Variants in ATP2C2 observed in about 807,000 individuals in gnomAD.
The protein encoded by ATP2C2 is ATPase secretory pathway Ca2+ transporting 2.
In ATP2C2, 171 loss-of-function variants were observed where a neutral mutation model predicts 110.8. The ratio of observed to expected loss-of-function variants is 1.54; its 90% CI spans 1.36 to 1.75. The LOEUF is 1.75. Ranked by LOEUF, ATP2C2 falls within the 40% of genes most tolerant of loss-of-function variation. The pLI, the probability that ATP2C2 is intolerant of heterozygous loss-of-function variation, is 0.00. For synonymous variants in ATP2C2, 804 were observed against 508.4 expected (o/e 1.58, Z -7.82); for missense variants, 1,963 against 1,235.0 (o/e 1.59, Z -8.84).
At chr16:84,430,755 C>G (rs1200546716) in intron 11 of ATP2C2, among the ~76,000 whole-genome samples, 1 of 152,084 alleles carries the variant, frequency 6.6e-6, no homozygotes. Context: ...CCAGTTCACC[C>G]TTACACAGCC....
chr16:84,443,237 A>C (rs2150571407), intron 15 of ATP2C2, among the ~76,000 whole-genome samples: 1 of 152,268 alleles, frequency 6.6e-6, no homozygotes, highest in African/African-American at 2.4e-5. Context: ...AGGGGCCGGC[A>C]GAGGTTAAGA....
rs1909016122 is a variant in ATP2C2 at position 84,439,235 on chromosome 16, G to C, written c.1056G>C (p.Leu352=). Residue 352 remains leucine (L), a synonymous_variant, in exon 12 of 27, where the codon CTG becomes CTC. Transcript: ENST00000262429. Reference sequence around the variant, plus strand: ...TGGTGACGCTGGTCCTGGGAGTGCTGCGGATGGCCAAGAAGCGGGTCATCG... The same window carrying C: ...TGGTGACGCTGGTCCTGGGAGTGCTCCGGATGGCCAAGAAGCGGGTCATCG... ...VVMVTLVLGV[L]RMAKKRVIVK... 5.0e-6 allele frequency: 8 copies of C among 1,612,236 alleles called. No homozygotes were observed. The highest frequency in any genetic ancestry group is 6.8e-6 in the Non-Finnish European group (8 of 1,180,036).
chr16:84,418,636 T>C (rs1907047197), intron 7 of ATP2C2, among the ~76,000 whole-genome samples: 1 of 152,192 alleles, frequency 6.6e-6, no homozygotes, highest in Non-Finnish European at 1.5e-5. Flanking sequence ...TGCGTGGCCC[T>C]GCGCAGTCAC....
intron 1 of ATP2C2, among the ~76,000 whole-genome samples, chr16:84,385,795 T>C (rs538437935): frequency 4.6e-5 from 7 of 152,282 alleles, no homozygotes; most frequent in African/African-American, 1.7e-4. Context: ...CTCACTATCA[T>C]GAGCATGGGG....
intron 6 of ATP2C2, 79 bp from the exon 7 acceptor site, chr16:84,415,404 C>A: frequency 8.3e-7 from 1 of 1,197,656 alleles, no homozygotes; most frequent in Non-Finnish European, 1.2e-6. Flanking sequence ...TGTTTCTATT[C>A]TCCTTGTTCA....
At chr16:84,447,152 C>T (rs1274722093) in intron 16 of ATP2C2, among the ~76,000 whole-genome samples, 1 of 152,122 alleles carries the variant, frequency 6.6e-6, no homozygotes, top group Non-Finnish European at 1.5e-5. Flanking sequence ...CTCCTCTTCC[C>T]TCCCACTCTT....
rs374605639 is a variant in ATP2C2, at chr16:84,448,545, A to T, written c.1516A>T (p.Ile506Phe). 1.9e-6 allele frequency: 3 copies of T among 1,612,286 alleles called. No individual in the cohort carries two copies. Among genetic ancestry groups the T allele is most frequent in the Admixed American group, 1.7e-5 (1 of 59,838 alleles). ...CSLKTEDQED[I>F]YFMKGALEEV... ...TGTCTTTTCTAAGGATCAGGAAGAC[A>T]TTTACTTCATGAAAGGGGCCTTGGA... Residue 506 changes from isoleucine to phenylalanine, a missense_variant, in exon 17 of 27, where the codon ATT (isoleucine) becomes TTT (phenylalanine). Ile to Phe is a conservative substitution (Grantham distance 21). Transcript: ENST00000262429.
At chr16:84,412,474 G>C (rs1291915612) in intron 6 of ATP2C2, among the ~76,000 whole-genome samples, 2 of 145,728 alleles carry the variant, frequency 1.4e-5, no homozygotes, top group Admixed American at 1.4e-4. Context: ...GTGTGTGTCT[G>C]TGCATGTGTA....
At position 84,462,137 on chromosome 16, in the gene ATP2C2, G is replaced by A. The variant is rs761862082; in HGVS notation, c.2722+8G>A. On this transcript the variant is annotated splice_region_variant and intron_variant, in intron 26 of 26. Transcript: ENST00000262429. ...AGAACCTGGGAGCGCTTGGTGAGTG[G>A]TGGGGACGGGAACGACAGGTGACCT... 4 of 1,611,102 alleles carry A rather than the reference G, an allele frequency of 2.5e-6. No individual in the cohort carries two copies. The highest frequency in any genetic ancestry group is 1.1e-5 in the South Asian group (1 of 90,820).
intron 11 of ATP2C2, 95 bp from the exon 12 acceptor site, chr16:84,439,071 A>G (rs1161262693): frequency 2.6e-6 from 4 of 1,545,708 alleles, no homozygotes; most frequent in Non-Finnish European, 3.5e-6. Flanking sequence ...GACACCTAAG[A>G]CAAGCTTCAC....
intron 23 of ATP2C2, chr16:84,459,748 C>T: frequency 1.5e-6 from 1 of 646,830 alleles, no homozygotes; most frequent in Non-Finnish European, 2.6e-6. Flanking sequence ...CTGTATTTTT[C>T]CCTAGAGAGG....
intron 20 of ATP2C2, 94 bp downstream of exon 20, chr16:84,453,465 C>T (rs1042697567): frequency 6.6e-5 from 99 of 1,508,814 alleles, no homozygotes; most frequent in Non-Finnish European, 8.5e-5. Context: ...GGTGACAGTG[C>T]AGGGCCCGAC....
chr16:84,448,901 T>C lies in ATP2C2; in HGVS notation c.1660+212T>C, dbSNP rs534611781. 1.5e-4 allele frequency among the ~76,000 whole-genome samples: 23 copies of C among 152,246 alleles called. 1 individual carries two copies. The highest frequency in any genetic ancestry group is 5.1e-4 in the African/African-American group (21 of 41,550). On this transcript the variant is annotated intron_variant, in intron 17 of 26. Coordinates refer to ENST00000262429, the MANE Select transcript of ATP2C2 (RefSeq NM_014861.4). ...CCAGTTCCTTAGTGACCCCCATTAA[T>C]CCAGAGAAGAGGGTACCCTCCCTTG...
intron 13 of ATP2C2, among the ~76,000 whole-genome samples, chr16:84,440,239 C>T (rs927680706): frequency 2.0e-5 from 3 of 152,184 alleles, no homozygotes; most frequent in Non-Finnish European, 4.4e-5. Flanking sequence ...CTCAAGGGAT[C>T]CTCCCACCTC....
chr16:84,424,340 G>A (rs772646329), intron 10 of ATP2C2, among the ~76,000 whole-genome samples: 4 of 152,150 alleles, frequency 2.6e-5, no homozygotes, highest in South Asian at 4.1e-4. Context: ...GAGCAGTGGC[G>A]TGATCTCAGC....
intron 7 of ATP2C2, among the ~76,000 whole-genome samples, chr16:84,420,633 G>T (rs1907248962): frequency 6.6e-6 from 1 of 151,988 alleles, no homozygotes; most frequent in African/African-American, 2.4e-5. Flanking sequence ...AACCCATATT[G>T]ATGCCTTCTT....
chr16:84,406,833 G>A (rs1254273505), intron 3 of ATP2C2, among the ~76,000 whole-genome samples: 3 of 151,960 alleles, frequency 2.0e-5, no homozygotes, highest in Admixed American at 6.6e-5. Context: ...ACTAGGACCC[G>A]CTCCCCCACT....
Position 84,462,109 on chromosome 16 carries a change from C to G in ATP2C2, c.2702C>G (p.Thr901Arg), listed in dbSNP as rs201292069. The G allele has an allele frequency of 2.6e-5, 42 of 1,613,552 alleles. No homozygotes were observed. Among genetic ancestry groups the G allele is most frequent in the South Asian group, 2.0e-4 (18 of 91,024 alleles). ...YIPPLQRVFQ[T>R]ENLGALDLLF... ...CCCCCGCTGCAGAGGGTCTTCCAGA[C>G]GGAGAACCTGGGAGCGCTTGGTGAG... The change falls in exon 26 of 27, where the codon ACG becomes AGG. Residue 901 changes from threonine (T) to arginine (R), a missense_variant. Thr to Arg is a moderately conservative substitution (Grantham distance 71). Coordinates refer to ENST00000262429, the MANE Select transcript of ATP2C2 (RefSeq NM_014861.4).
intron 2 of ATP2C2, 123 bp from the exon 3 acceptor site, chr16:84,405,005 T>C (rs747627405): frequency 2.8e-5 from 24 of 844,290 alleles, no homozygotes; most frequent in Non-Finnish European, 4.1e-6. Flanking sequence ...AGCACCTTGG[T>C]GGACAAGCCT....
Sources: allele counts gnomAD v4.1 joint callset (sites outside exome capture counted in the v4.1 genomes callset), GRCh38; gene constraint gnomAD v4.1.1; transcripts MANE v1.5; gene names NCBI Gene and HGNC (gene_info 2026-07-23, HGNC 2026-07-21).